Variants in UPF3A observed in about 807,000 individuals in gnomAD.
The protein encoded by UPF3A is UPF3A regulator of nonsense mediated mRNA decay, also known as regulator of nonsense transcripts 3A.
Under a neutral mutation model 53.5 loss-of-function variants are expected in UPF3A, and 42 were observed. The observed-to-expected ratio is 0.78, with a 90% CI of 0.61 to 1.01. UPF3A has a LOEUF of 1.01. UPF3A is among the 50% of genes least tolerant of loss of function. The pLI, the probability that UPF3A is intolerant of heterozygous loss-of-function variation, is 0.00. For synonymous variants in UPF3A, 237 were observed against 225.3 expected (o/e 1.05, Z -0.47); for missense variants, 575 against 598.0 (o/e 0.96, Z 0.40).
At chr13:114,302,082 A>G (rs949475069) in intron 9 of UPF3A, 57 bp downstream of exon 9, 12 of 1,423,718 alleles carry the variant, frequency 8.4e-6, no homozygotes, top group African/African-American at 7.2e-5. Context: ...TCCAGGCTGC[A>G]TGCTGACCAT....
chr13:114,303,368 G>T (rs1011975699), intron 9 of UPF3A, among the ~76,000 whole-genome samples: 2 of 152,198 alleles, frequency 1.3e-5, no homozygotes, highest in African/African-American at 4.8e-5. Flanking sequence ...TAGCCTCACA[G>T]TGCTGTGGTG....
At chr13:114,304,290 C>T in intron 9 of UPF3A, among the ~76,000 whole-genome samples, 1 of 152,230 alleles carries the variant, frequency 6.6e-6, no homozygotes, top group East Asian at 1.9e-4. Flanking sequence ...AACAGCTGCC[C>T]TTCATGGACT....
At chr13:114,297,221 C>CAT (rs779288939) in intron 7 of UPF3A, among the ~76,000 whole-genome samples, 8 of 149,968 alleles carry the variant, frequency 5.3e-5, no homozygotes, top group African/African-American at 1.7e-4. Flanking sequence ...GTGGTGCTTC[C>CAT]GTTTTTTTTT....
chr13:114,298,041 G>A (rs763200538), intron 7 of UPF3A, among the ~76,000 whole-genome samples: 1 of 151,822 alleles, frequency 6.6e-6, no homozygotes, highest in African/African-American at 2.4e-5. Flanking sequence ...ATACAGTGCT[G>A]CAGAGCCCTT....
chr13:114,286,515 C>T lies in UPF3A; in HGVS notation c.521-4C>T. ...TTATTTTCTTCCTACTTTTTAATGTCTAGATCCAGAATATAAGAAGTTTTT... is the reference window on the plus strand; with the variant it reads ...TTATTTTCTTCCTACTTTTTAATGTTTAGATCCAGAATATAAGAAGTTTTT... On this transcript the variant is annotated splice_region_variant and splice_polypyrimidine_tract_variant and intron_variant, in intron 4 of 9. Coordinates refer to ENST00000375299, the MANE Select transcript of UPF3A (RefSeq NM_023011.4). 4 of 1,611,946 alleles carry T rather than the reference C, an allele frequency of 2.5e-6. No homozygotes were observed. Among genetic ancestry groups the T allele is most frequent in the Non-Finnish European group, 3.4e-6 (4 of 1,179,154 alleles).
chr13:114,292,326 G>T (rs1487598300), intron 7 of UPF3A, among the ~76,000 whole-genome samples: 1 of 150,474 alleles, frequency 6.6e-6, no homozygotes, highest in Non-Finnish European at 1.5e-5. Context: ...TACACGTGCA[G>T]ATGTGTCACA....
intron 3 of UPF3A, 187 bp downstream of exon 3, chr13:114,283,130 T>C (rs896538432): frequency 3.4e-5 from 17 of 496,046 alleles, no homozygotes; most frequent in Non-Finnish European, 5.3e-5. Context: ...CAAGCAATCC[T>C]CCAGCCTCCT....
chr13:114,290,107 G>A (rs1361677862), intron 5 of UPF3A, among the ~76,000 whole-genome samples: 1 of 152,148 alleles, frequency 6.6e-6, no homozygotes, highest in Non-Finnish European at 1.5e-5. Flanking sequence ...GTCAGCCCAG[G>A]GACCCCTGGG....
chr13:114,294,235 G>A (rs985363343), intron 7 of UPF3A, among the ~76,000 whole-genome samples: 7 of 150,528 alleles, frequency 4.7e-5, no homozygotes, highest in African/African-American at 1.7e-4. Flanking sequence ...AAGACAGATG[G>A]CTCATGGCTA....
chr13:114,292,208 T>C (rs1247946982), intron 7 of UPF3A, among the ~76,000 whole-genome samples: 1 of 150,408 alleles, frequency 6.6e-6, no homozygotes, highest in East Asian at 2.0e-4. Flanking sequence ...GTGTGTTACG[T>C]GTTCATTTTC....
Position 114,291,150 on chromosome 13 carries a change from T to G in UPF3A, c.632-339T>G, listed in dbSNP as rs529544054. 2.1e-3 allele frequency among the ~76,000 whole-genome samples: 317 copies of G among 152,334 alleles called. 2 individuals are homozygous for G. Among genetic ancestry groups the G allele is most frequent in the African/African-American group, 7.3e-3 (302 of 41,576 alleles). ...TCCATGTTATTTTAAAACTGTTGCT[T>G]GGAGAACGGAAAACGAAAAAGTTCT... is the stretch of plus-strand genomic sequence containing the variant. On this transcript the variant is annotated intron_variant, in intron 5 of 9. Coordinates refer to ENST00000375299, the MANE Select transcript of UPF3A (RefSeq NM_023011.4).
Position 114,282,735 on chromosome 13 carries a change from T to C in UPF3A, c.315-102T>C, listed in dbSNP as rs946968718. On this transcript the variant is annotated intron_variant, in intron 2 of 9. Coordinates refer to ENST00000375299, the MANE Select transcript of UPF3A (RefSeq NM_023011.4). ...ACTGAGATGATTTGGCACAAAAGTT[T>C]TATCTAAAGTAGTTTGTTGTGCCCA... The C allele has an allele frequency of 3.8e-5, 57 of 1,511,936 alleles. 1 individual carries two copies. In the East Asian group the frequency reaches 1.2e-3, roughly 32 times the overall value. 93.7% of individuals were successfully genotyped at this position (1,511,936 alleles called of 1,614,324 possible).
Position 114,281,688 on chromosome 13 carries a change from GCGCGGGGCC to G in UPF3A, c.52_60del (p.Arg18_Pro20del). 6.5e-7 allele frequency: 1 copy of G among 1,537,192 alleles called. No homozygotes were observed. The highest frequency in any genetic ancestry group is 2.0e-5 in the Admixed American group (1 of 50,890). On this transcript the variant is annotated inframe_deletion, in exon 1 of 10. Transcript: ENST00000375299. Reference sequence around the variant, plus strand: ...CGGAGGCCTTCGGGCGGCCGTTGCCGCGCGGGGCCCGAGCGGGAGGGAGAAGCTGTCGGC... The same window carrying G: ...CGGAGGCCTTCGGGCGGCCGTTGCCGCGAGCGGGAGGGAGAAGCTGTCGGC...
chr13:114,292,856 C>T (rs973079092), intron 7 of UPF3A, among the ~76,000 whole-genome samples: 2 of 151,934 alleles, frequency 1.3e-5, no homozygotes, highest in Non-Finnish European at 2.9e-5. Flanking sequence ...GGGCAGATCA[C>T]GAGGTCAGGA....
Position 114,301,827 on chromosome 13 carries a change from G to T in UPF3A, c.1104G>T (p.Arg368Ser). The T allele has an allele frequency of 6.2e-7, 1 of 1,613,778 alleles. No homozygotes were observed. Among genetic ancestry groups the T allele is most frequent in the Non-Finnish European group, 8.5e-7 (1 of 1,179,876 alleles). The part of the protein sequence containing the change: ...AQRYHVDDGR[R>S]HRAHHEPERL... ...GATACCATGTGGATGACGGCAGGAG[G>T]CACAGAGCTCACCACGAGCCTGAAC... Residue 368 changes from arginine to serine, a missense_variant, in exon 9 of 10, where the codon AGG becomes AGT. Arg to Ser is a moderately radical substitution (Grantham distance 110). Coordinates refer to ENST00000375299, the MANE Select transcript of UPF3A (RefSeq NM_023011.4).
chr13:114,296,255 T>C lies in UPF3A; in HGVS notation c.847-2585T>C, dbSNP rs543213438. Among the ~76,000 whole-genome samples the C allele has an allele frequency of 1.3e-4, 20 of 152,184 alleles. No homozygotes were observed. The South Asian group carries it at 3.9e-3, about 30-fold the overall frequency. On this transcript the variant is annotated intron_variant, in intron 7 of 9. Transcript: ENST00000375299. ...AAAATTAGCCAGGCATGGTGGCGCA[T>C]GCCTGTAGTCCCAGTTACTCAGGAG...
intron 8 of UPF3A, among the ~76,000 whole-genome samples, chr13:114,300,050 G>A (rs757202939): frequency 7.2e-5 from 11 of 152,242 alleles, no homozygotes; most frequent in Non-Finnish European, 1.5e-4. Flanking sequence ...TGATGTTACC[G>A]GTGTTGTTAC....
chr13:114,291,525 ATAGAAAAT>A lies in UPF3A; in HGVS notation c.676_683del (p.Leu226AlafsTer42), dbSNP rs1242734505. 1.2e-6 allele frequency: 2 copies of A among 1,609,634 alleles called. No homozygotes were observed. Among genetic ancestry groups the A allele is most frequent in the African/African-American group, 2.7e-5 (2 of 74,902 alleles). ...ACACCTCTTTTGGAATATATTAAAA[ATAGAAAAT>A]TAGAAAAGCAGGTAGGTCTGGCCTT... is the stretch of plus-strand genomic sequence containing the variant. On this transcript the variant is annotated frameshift_variant, in exon 6 of 10. Transcript: ENST00000375299. LOFTEE classifies it high-confidence loss of function.
At chr13:114,283,723 A>G (rs1051650614) in intron 3 of UPF3A, 17 of 982,508 alleles carry the variant, frequency 1.7e-5, no homozygotes, top group Admixed American at 1.2e-4. Flanking sequence ...TCTACTCTCA[A>G]TAGTTCCCTT....
Sources: allele counts gnomAD v4.1 joint callset (sites outside exome capture counted in the v4.1 genomes callset), GRCh38; gene constraint gnomAD v4.1.1; transcripts MANE v1.5; gene names NCBI Gene and HGNC (gene_info 2026-07-23, HGNC 2026-07-21).